ABCA2: variants seen among roughly 807,000 people sequenced by gnomAD.
ABCA2 encodes ATP-binding cassette sub-family A member 2.
In ABCA2, 84 loss-of-function variants were observed where a neutral mutation model predicts 262.8. The observed-to-expected ratio is 0.32, with a 90% CI of 0.27 to 0.38. ABCA2 has a LOEUF of 0.38. Ranked by LOEUF, ABCA2 falls within the 10% of genes least tolerant of loss-of-function variation. The pLI is 1.00. For missense variants in ABCA2, 2,662 were observed against 3,405.9 expected (o/e 0.78, Z 5.44); for synonymous variants, 1,696 against 1,502.9 (o/e 1.13, Z -2.97).
At chr9:137,015,132 CAG>C (rs746158024) in intron 24 of ABCA2, 35 bp from the exon 25 acceptor site, 8 of 1,542,958 alleles carry the variant, frequency 5.2e-6, no homozygotes, top group South Asian at 3.7e-5. Flanking sequence ...GGAATTCACT[CAG>C]GGGCTGGGAG....
In ABCA2 at chr9:137,007,555, TAA is replaced by T; in HGVS notation, c.*372_*373del. 3.0e-6 allele frequency: 1 copy of T among 336,524 alleles called. No homozygotes were observed. Among genetic ancestry groups the T allele is most frequent in the South Asian group, 3.0e-5 (1 of 33,418 alleles). 20.8% of individuals were successfully genotyped at this position (336,524 alleles called of 1,614,324 possible). A position where few individuals can be genotyped will look rare whatever the true frequency, so the allele number is the denominator to read the frequency against. On this transcript the variant is annotated 3_prime_UTR_variant, in exon 49 of 49. Coordinates refer to ENST00000341511, the MANE Select transcript of ABCA2 (RefSeq NM_001606.5). ...CCGCTCTCGGCATCAGCCTTCATCG[TAA>T]GAGAGAAAAGCTGGTTCCGAGGCCG...
chr9:137,017,387 C>G (rs200676536), intron 17 of ABCA2, 41 bp from the exon 18 acceptor site: 1 of 1,608,804 alleles, frequency 6.2e-7, no homozygotes, highest in Admixed American at 1.7e-5. Flanking sequence ...TCCACCCGCA[C>G]GCCCGGCCTC....
At position 137,017,304 on chromosome 9, in the gene ABCA2, C is replaced by A. The variant is rs376238169; in HGVS notation, c.2445G>T (p.Ser815=). The stretch of plus-strand genomic sequence containing the variant: ...GGAAGTAGATGATGCCACCGCAGGC[C>A]GAGGCCAGCTTGGCCTTGGAGTACA... ...SVLYSKAKLA[S]ACGGIIYFLS... The change falls in exon 18 of 49, where the codon TCG becomes TCT. Residue 815 remains serine, a synonymous_variant. Coordinates refer to ENST00000341511, the MANE Select transcript of ABCA2 (RefSeq NM_001606.5). 3 of 1,612,658 alleles carry A rather than the reference C, an allele frequency of 1.9e-6. No homozygotes were observed. Among genetic ancestry groups the A allele is most frequent in the Non-Finnish European group, 1.7e-6 (2 of 1,179,890 alleles).
rs1454949306 is a variant in ABCA2 at position 137,022,491 on chromosome 9, G to A, written c.440-13C>T. 1.2e-6 allele frequency: 2 copies of A among 1,609,310 alleles called. No individual in the cohort carries two copies. Among genetic ancestry groups the A allele is most frequent in the Non-Finnish European group, 1.7e-6 (2 of 1,178,392 alleles). On this transcript the variant is annotated splice_polypyrimidine_tract_variant and intron_variant, in intron 5 of 48. Transcript: ENST00000341511. ...GAGAAGGAAGACACTGGACAGGCAGGAAGGCGAGGCTGAGAGGCCGCTGCA... is the reference window on the plus strand; with the variant it reads ...GAGAAGGAAGACACTGGACAGGCAGAAAGGCGAGGCTGAGAGGCCGCTGCA...
rs1830879747 is a variant in ABCA2, at chr9:137,007,637, G to A, written c.*292C>T. Reference sequence around the variant, plus strand: ...CAGCCGGCGTCGCCTTGGGCGGTGAGCAGTGCCAGGCAGGGGCGAGGGGCC... The same window carrying A: ...CAGCCGGCGTCGCCTTGGGCGGTGAACAGTGCCAGGCAGGGGCGAGGGGCC... On this transcript the variant is annotated 3_prime_UTR_variant, in exon 49 of 49. Coordinates refer to ENST00000341511, the MANE Select transcript of ABCA2 (RefSeq NM_001606.5). The A allele has an allele frequency of 5.7e-6, 3 of 523,772 alleles. No homozygotes were observed. In the African/African-American group the frequency reaches 5.9e-5, roughly 10 times the overall value. The allele number at this position is 523,772 out of a possible 1,614,324, so 32.4% of individuals were successfully genotyped here. A position where few individuals can be genotyped will look rare whatever the true frequency, so the allele number is the denominator to read the frequency against.
intron 1 of ABCA2, 144 bp from the exon 2 acceptor site, chr9:137,024,380 C>G (rs113566495): frequency 3.1e-6 from 2 of 642,658 alleles, no homozygotes; most frequent in East Asian, 5.6e-5. Context: ...TTCGGAACCA[C>G]TGAAGGTCTG....
At position 137,008,594 on chromosome 9, in the gene ABCA2, C is replaced by G; in HGVS notation, c.7097G>C (p.Ser2366Thr). 6.2e-7 allele frequency: 1 copy of G among 1,609,772 alleles called. No homozygotes were observed. The highest frequency in any genetic ancestry group is 8.5e-7 in the Non-Finnish European group (1 of 1,178,724). The change falls in exon 48 of 49, where the codon AGT becomes ACT. Residue 2366 changes from serine to threonine, a missense_variant. By Grantham distance (58) the Ser-to-Thr change is moderately conservative. Transcript: ENST00000341511. ...CGTCTCCTGCTGCTCCAGGTTGTCA[C>G]TCTGCTTCTTGGCAAAGTTCACGAA... ...NVFVNFAKKQ[S>T]DNLEQQETEP...
At position 137,016,440 on chromosome 9, in the gene ABCA2, G is replaced by A. The variant is rs1207040734; in HGVS notation, c.2955C>T (p.Thr985=). 2 of 1,612,676 alleles carry A rather than the reference G, an allele frequency of 1.2e-6. No homozygotes were observed. Among genetic ancestry groups the A allele is most frequent in the African/African-American group, 1.3e-5 (1 of 74,922 alleles). ...EETRGMEEEP[T]HLPLVVCVDK... ...CCACGCAGACAACCAGAGGCAGGTG[G>A]GTGGGCTCCTCCTCCATGCCACGGG... The change falls in exon 21 of 49, where the codon ACC becomes ACT. Residue 985 remains threonine (T), a synonymous_variant. Coordinates refer to ENST00000341511, the MANE Select transcript of ABCA2 (RefSeq NM_001606.5).
chr9:137,011,688 G>A lies in ABCA2; in HGVS notation c.5597C>T (p.Ala1866Val). The A allele has an allele frequency of 6.4e-7, 1 of 1,555,260 alleles. No homozygotes were observed. Among genetic ancestry groups the A allele is most frequent in the Non-Finnish European group, 8.7e-7 (1 of 1,150,014 alleles). Residue 1866 changes from alanine to valine, a missense_variant, in exon 36 of 49, where the codon GCC becomes GTC. This residue lies in a region of ABCA2 where 602 missense variants were observed against 897.4 expected (regional missense o/e 0.67). Coordinates refer to ENST00000341511, the MANE Select transcript of ABCA2 (RefSeq NM_001606.5). This position sits in a 1 kb window ranked among gnomAD's most constrained non-coding sequence, Gnocchi z 8.8. Reference sequence around the variant, plus strand: ...AGGGAAGTTGGTGGGCGACGTGTAGGCCGGCAGGTCGAACACAAACAGGAT... The same window carrying A: ...AGGGAAGTTGGTGGGCGACGTGTAGACCGGCAGGTCGAACACAAACAGGAT... ...VIILFVFDLP[A>V]YTSPTNFPAV...
At chr9:137,010,159 C>G (rs747289707) in intron 41 of ABCA2, 34 bp downstream of exon 41, 1 of 1,591,952 alleles carries the variant, frequency 6.3e-7, no homozygotes, top group Non-Finnish European at 8.5e-7. Context: ...CGTGAGGACG[C>G]GGCGGCCCCG....
At chr9:137,022,166 G>T (rs1489558330) in intron 6 of ABCA2, among the ~76,000 whole-genome samples, 165 bp from the exon 7 acceptor site, 5 of 116,494 alleles carry the variant, frequency 4.3e-5, no homozygotes, top group African/African-American at 1.7e-4. Context: ...CGATGTAGGT[G>T]TGGGGGCGTG....
chr9:137,017,409 C>T (rs1016283339), intron 17 of ABCA2, 63 bp from the exon 18 acceptor site: 18 of 1,604,988 alleles, frequency 1.1e-5, no homozygotes, highest in African/African-American at 8.0e-5. Flanking sequence ...TGGGCAGGCC[C>T]GTGCCAGGGT....
rs762507713 is a variant in ABCA2 at position 137,013,204 on chromosome 9, G to A, written c.4665C>T (p.Pro1555=). ...LKSPANGSLG[P]TLNLSSGESR... ...ACTCCCCGCTGCTCAGGTTCAACGTGGGCCCCAGCGAGCCGTTGGCGGGAG... is the reference window on the plus strand; with the variant it reads ...ACTCCCCGCTGCTCAGGTTCAACGTAGGCCCCAGCGAGCCGTTGGCGGGAG... Residue 1555 remains proline (P), a synonymous_variant, in exon 30 of 49, where the codon CCC becomes CCT. Transcript: ENST00000341511. 8 of 1,601,138 alleles carry A rather than the reference G, an allele frequency of 5.0e-6. No individual in the cohort carries two copies. Among genetic ancestry groups the A allele is most frequent in the Non-Finnish European group, 6.8e-6 (8 of 1,176,320 alleles).
At position 137,011,109 on chromosome 9, in the gene ABCA2, C is replaced by A. The variant is rs370340840; in HGVS notation, c.5924-4G>T. The A allele has an allele frequency of 4.3e-6, 7 of 1,612,230 alleles. No individual in the cohort carries two copies. The highest frequency in any genetic ancestry group is 1.1e-5 in the South Asian group (1 of 91,054). ...GACTTCATCTTGTCAAACTGGCCTG[C>A]GGGGAGACAGCTCAGGGCCTGTGCT... On this transcript the variant is annotated splice_region_variant and splice_polypyrimidine_tract_variant and intron_variant, in intron 38 of 48. Coordinates refer to ENST00000341511, the MANE Select transcript of ABCA2 (RefSeq NM_001606.5). The surrounding 1 kb of genome is among the most constrained non-coding windows in gnomAD (Gnocchi z 8.8).
At position 137,011,975 on chromosome 9, in the gene ABCA2, C is replaced by T; in HGVS notation, c.5404G>A (p.Ala1802Thr). The change falls in exon 35 of 49, where the codon GCC (alanine) becomes ACC (threonine). Residue 1802 changes from alanine (A) to threonine (T), a missense_variant. Transcript: ENST00000341511. The surrounding 1 kb of genome is among the most constrained non-coding windows in gnomAD (Gnocchi z 8.8). Reference protein sequence around the residue: ...DVVIAIFIIVAMSFVPASFVV... With the variant: ...DVVIAIFIIVTMSFVPASFVV... Reference sequence around the variant, plus strand: ...AAGCTGGCCGGCACGAAGGACATGGCCACGATGATGAAGATGGCGATGACG... The same window carrying T: ...AAGCTGGCCGGCACGAAGGACATGGTCACGATGATGAAGATGGCGATGACG... The T allele has an allele frequency of 6.2e-7, 1 of 1,612,638 alleles. No homozygotes were observed. The highest frequency in any genetic ancestry group is 8.5e-7 in the Non-Finnish European group (1 of 1,179,940).
In ABCA2 at chr9:137,010,055, G is replaced by T; in HGVS notation, c.6423C>A (p.Asp2141Glu). The change falls in exon 42 of 49, where the codon GAC (aspartate) becomes GAA (glutamate). Residue 2141 changes from aspartate to glutamate, a missense_variant. Physicochemically the swap from Asp to Glu is conservative, Grantham distance 45 (BLOSUM62 2). This residue lies in a region of ABCA2 where 602 missense variants were observed against 897.4 expected (regional missense o/e 0.67). Coordinates refer to ENST00000341511, the MANE Select transcript of ABCA2 (RefSeq NM_001606.5). Reference sequence around the variant, plus strand: ...GCAGGTGCTCCCGGGCCGTGAGCTCGTCGAACAGCGCGTCACACTGCGGGC... The same window carrying T: ...GCAGGTGCTCCCGGGCCGTGAGCTCTTCGAACAGCGCGTCACACTGCGGGC... ...GYCPQCDALF[D>E]ELTAREHLQL... 2 of 1,601,354 alleles carry T rather than the reference G, an allele frequency of 1.2e-6. No homozygotes were observed. The highest frequency in any genetic ancestry group is 8.5e-7 in the Non-Finnish European group (1 of 1,177,046).
At chr9:137,009,271 A>G in intron 45 of ABCA2, 99 bp downstream of exon 45, 2 of 549,300 alleles carry the variant, frequency 3.6e-6, no homozygotes, top group South Asian at 4.5e-5. Flanking sequence ...CTGGCCCCAC[A>G]GCCCTCACAG....
intron 48 of ABCA2, 25 bp from the exon 49 acceptor site, chr9:137,007,989 A>T: frequency 1.3e-6 from 2 of 1,597,846 alleles, no homozygotes; most frequent in Non-Finnish European, 1.7e-6. Context: ...GGTCAGGCTT[A>T]TGGGGCATCC....
chr9:137,013,902 G>A lies in ABCA2; in HGVS notation c.4377C>T (p.Phe1459=), dbSNP rs1434875417. 1 of 1,612,624 alleles carries A rather than the reference G, an allele frequency of 6.2e-7. No homozygotes were observed. ...AGAAGGCTGGCAGCAAGATCTGGGAGAAGAGTGCCTTGGAGTTGCGGCGGG... is the reference window on the plus strand; with the variant it reads ...AGAAGGCTGGCAGCAAGATCTGGGAAAAGAGTGCCTTGGAGTTGCGGCGGG... ...HCARRNSKAL[F]SQILLPAFFV... Residue 1459 remains phenylalanine, a synonymous_variant, in exon 28 of 49, where the codon TTC becomes TTT. Coordinates refer to ENST00000341511, the MANE Select transcript of ABCA2 (RefSeq NM_001606.5).
Sources: gnomAD v4.1 joint callset for allele counts (sites outside exome capture counted in the v4.1 genomes callset) on GRCh38, gnomAD v4.1.1 for gene constraint, gnomAD v4.1.1 regional missense constraint, Gnocchi (gnomAD v3.1) non-coding constraint, MANE v1.5 for transcripts, NCBI Gene and HGNC (gene_info 2026-07-23, HGNC 2026-07-21) for gene names.